The following RHBDL2 variants were observed in gnomAD, a reference collection of about 807,000 sequenced individuals.
RHBDL2 encodes rhomboid like 2.
A neutral mutation model predicts 31.7 loss-of-function variants in RHBDL2; 26 were observed. The observed-to-expected ratio is 0.82, with a 90% CI of 0.60 to 1.14. The LOEUF is 1.14. Ranked by LOEUF, RHBDL2 falls within the 50% of genes most tolerant of loss-of-function variation. The pLI is 0.00. For synonymous variants in RHBDL2, 123 were observed against 127.2 expected, an observed-to-expected ratio of 0.97 and a Z score of 0.22; for missense variants, 336 against 364.4, an observed-to-expected ratio of 0.92 and a Z score of 0.63.
At chr1:38,939,951 C>T (rs538687041) in intron 1 of RHBDL2, among the ~76,000 whole-genome samples, 17 of 152,132 alleles carry the variant, frequency 1.1e-4, no homozygotes, top group African/African-American at 3.9e-4. Context: ...GTTGGGACTA[C>T]AGGCATGAGT....
chr1:38,931,992 C>T (rs1182885682), intron 1 of RHBDL2, among the ~76,000 whole-genome samples: 3 of 152,146 alleles, frequency 2.0e-5, no homozygotes, highest in African/African-American at 7.2e-5. Context: ...ACCAATACTA[C>T]GTGGCAGAAG....
At chr1:38,891,117 TA>T (rs1642847851) in intron 6 of RHBDL2, among the ~76,000 whole-genome samples, 4 of 151,354 alleles carry the variant, frequency 2.6e-5, no homozygotes. Context: ...AAAAATACAA[TA>T]ATTAGCCAGG....
chr1:38,909,900 G>C (rs1349846435), intron 4 of RHBDL2, among the ~76,000 whole-genome samples: 1 of 152,124 alleles, frequency 6.6e-6, no homozygotes, highest in Admixed American at 6.6e-5. Flanking sequence ...ATATACACAA[G>C]TGTTTGGAGT....
chr1:38,936,780 G>A (rs1274069665), intron 1 of RHBDL2, among the ~76,000 whole-genome samples: 3 of 151,646 alleles, frequency 2.0e-5, no homozygotes, highest in Non-Finnish European at 1.5e-5. Flanking sequence ...GATTACAAGT[G>A]TGAGCCACCG....
chr1:38,925,867 C>G, intron 1 of RHBDL2: 1 of 878,108 alleles, frequency 1.1e-6, no homozygotes, highest in South Asian at 1.7e-5. Context: ...CCAGGCAGAG[C>G]AGTAGGCCTG....
intron 6 of RHBDL2, among the ~76,000 whole-genome samples, chr1:38,889,695 C>T (rs1570910466): frequency 6.6e-6 from 1 of 152,220 alleles, no homozygotes; most frequent in Admixed American, 6.5e-5. Context: ...TAAGTCGGAT[C>T]TGCACTGCAA....
At chr1:38,888,046 T>A (rs1557606464) in intron 6 of RHBDL2, 22 bp from the exon 7 acceptor site, 1 of 1,577,282 alleles carries the variant, frequency 6.3e-7, no homozygotes. Context: ...AACACCCTGA[T>A]AAAGGCTCAG....
intron 1 of RHBDL2, among the ~76,000 whole-genome samples, chr1:38,936,681 G>A (rs1358559321): frequency 6.6e-6 from 1 of 151,882 alleles, no homozygotes; most frequent in African/African-American, 2.4e-5. Context: ...TGCATTTTTA[G>A]TAGAGATGGG....
At chr1:38,891,303 A>G (rs11586225) in intron 6 of RHBDL2, among the ~76,000 whole-genome samples, 1 of 151,638 alleles carries the variant, frequency 6.6e-6, no homozygotes, top group Admixed American at 6.6e-5. Context: ...ACAACTTTAT[A>G]CACATTACAT....
rs573049842 is a variant in RHBDL2, at chr1:38,936,489, T to C, written c.-126+5193A>G. Among the ~76,000 whole-genome samples, 154 of 149,074 alleles carry C rather than the reference T, an allele frequency of 1.0e-3. 2 individuals carry two copies. The highest frequency in any genetic ancestry group is 3.8e-3 in the African/African-American group (149 of 39,340). On this transcript the variant is annotated intron_variant, in intron 1 of 7. Transcript: ENST00000372990. ...ACCATACCCATCTAATTTTTGGTTT[T>C]TTGCTTTTTGGGTTTTTTTTTTTTT...
chr1:38,888,621 T>C (rs1054067619), intron 6 of RHBDL2, among the ~76,000 whole-genome samples: 1 of 152,158 alleles, frequency 6.6e-6, no homozygotes, highest in Non-Finnish European at 1.5e-5. Flanking sequence ...GGAATGTGCC[T>C]GGTGTGTTTG....
intron 7 of RHBDL2, among the ~76,000 whole-genome samples, chr1:38,887,666 G>A (rs568165068): frequency 1.5e-4 from 22 of 151,362 alleles, no homozygotes; most frequent in African/African-American, 4.4e-4. Context: ...CCTGTGATCC[G>A]CCGATCTTGG....
At chr1:38,939,850 C>T (rs1643544856) in intron 1 of RHBDL2, among the ~76,000 whole-genome samples, 1 of 149,178 alleles carries the variant, frequency 6.7e-6, no homozygotes, top group South Asian at 2.1e-4. Flanking sequence ...GCCAGGACTT[C>T]TTTTTTTTTT....
chr1:38,919,029 A>G lies in RHBDL2; in HGVS notation c.184T>C (p.Tyr62His), dbSNP rs1376814535. 1.2e-6 allele frequency: 2 copies of G among 1,613,952 alleles called. No individual in the cohort carries two copies. Among genetic ancestry groups the G allele is most frequent in the African/African-American group, 1.3e-5 (1 of 74,870 alleles). Residue 62 changes from tyrosine to histidine, a missense_variant, in exon 2 of 8, where the codon TAC (tyrosine) becomes CAC (histidine). Tyr to His is a moderately conservative substitution (Grantham distance 83). Coordinates refer to ENST00000372990, the MANE Select transcript of RHBDL2 (RefSeq NM_017821.5). ...GGGAAGCAGTTAGCTCTCTCCAAGT[A>G]TGTTCCTCGGGACTTTTCGGGCAGC... ...WMLPEKSRGT[Y>H]LERANCFPPP...
intron 1 of RHBDL2, chr1:38,929,430 A>ACCC: frequency 1.0e-5 from 13 of 1,289,480 alleles, no homozygotes; most frequent in Non-Finnish European, 1.3e-5. Flanking sequence ...AGGCCCTGGC[A>ACCC]AGGCCAACAC....
chr1:38,929,686 T>A, intron 1 of RHBDL2: 2 of 645,500 alleles, frequency 3.1e-6, no homozygotes, highest in Non-Finnish European at 3.8e-6. Context: ...CAGCTGGGGC[T>A]GCCAGGGAGA....
intron 1 of RHBDL2, 37 bp from the exon 2 acceptor site, chr1:38,919,374 A>G: frequency 4.6e-6 from 7 of 1,524,348 alleles, no homozygotes; most frequent in Non-Finnish European, 5.3e-6. Context: ...GATGATCAAA[A>G]TGATCTAAAC....
chr1:38,933,942 G>A (rs1458605147), intron 1 of RHBDL2, among the ~76,000 whole-genome samples: 4 of 151,926 alleles, frequency 2.6e-5, no homozygotes, highest in Non-Finnish European at 5.9e-5. Context: ...AGGCTGGGCT[G>A]GTCTCAAAAT....
chr1:38,902,398 C>T, intron 4 of RHBDL2, among the ~76,000 whole-genome samples: 1 of 140,398 alleles, frequency 7.1e-6, no homozygotes, highest in Admixed American at 7.7e-5. Flanking sequence ...TACTTTATTT[C>T]ATTTTATTTT....
Sources: allele counts gnomAD v4.1 joint callset (sites outside exome capture counted in the v4.1 genomes callset), GRCh38; gene constraint gnomAD v4.1.1; transcripts MANE v1.5; gene names NCBI Gene and HGNC (gene_info 2026-07-23, HGNC 2026-07-21).